CRHBP: variants seen among roughly 807,000 people sequenced by gnomAD.
The protein encoded by CRHBP is corticotropin-releasing hormone-binding protein.
In CRHBP, 19 loss-of-function variants were observed where a neutral mutation model predicts 34.9. That is an observed-to-expected ratio of 0.55 (90% CI 0.38 to 0.80). The LOEUF (loss-of-function observed/expected upper bound fraction) is 0.80, where lower values mean the gene tolerates loss of function less well. CRHBP is among the 30% of genes least tolerant of loss of function. CRHBP has a pLI of 0.00. For missense variants in CRHBP, 328 were observed against 409.2 expected (o/e 0.80, Z 1.71); for synonymous variants, 154 against 153.4 (o/e 1.00, Z -0.03).
At chr5:76,955,561 A>G in intron 3 of CRHBP, 92 bp from the exon 4 acceptor site, 1 of 1,135,976 alleles carries the variant, frequency 8.8e-7, no homozygotes, top group Middle Eastern at 2.6e-4. Flanking sequence ...CTGAAGGCCC[A>G]TTGCTGGATG....
Position 76,978,810 on chromosome 5 carries a change from A to G in CRHBP, n.468-2151A>G, listed in dbSNP as rs78109888. On this transcript the variant is annotated intron_variant and non_coding_transcript_variant, in intron 3 of 3. Transcript: ENST00000514258. ...AATAACAACAAATTTAGAATGGTAC[A>G]TAAACTTAGATGGTACATAAACTTA... Among the ~76,000 whole-genome samples, 1,220 of 152,378 alleles carry G rather than the reference A, an allele frequency of 8.0e-3. 21 individuals are homozygous for G. Among genetic ancestry groups the G allele is most frequent in the African/African-American group, 0.028 (1,167 of 41,590 alleles).
intron 5 of CRHBP, among the ~76,000 whole-genome samples, chr5:76,959,213 C>T (rs773905434): frequency 1.3e-5 from 2 of 151,540 alleles, no homozygotes; most frequent in African/African-American, 2.4e-5. Flanking sequence ...CAAAAATTCT[C>T]TCCTAGCAGA....
intron 1 of CRHBP, 185 bp downstream of exon 1, chr5:76,953,400 G>A (rs971986294): frequency 8.5e-6 from 7 of 827,078 alleles, no homozygotes; most frequent in Non-Finnish European, 1.4e-5. Flanking sequence ...CAGACTGCCT[G>A]CCTGCCTTCC....
rs183667263 is a variant in CRHBP, at chr5:76,977,371, C to G, written n.467+851C>G. Among the ~76,000 whole-genome samples the G allele has an allele frequency of 3.9e-5, 6 of 152,308 alleles. No homozygotes were observed. In the East Asian group the frequency reaches 1.2e-3, roughly 29 times the overall value. The stretch of plus-strand genomic sequence containing the variant: ...AGGTTTGTGGCAACTTTGGGTCGAG[C>G]AAGTCTATTGGTGCCATTTTTCCAA... On this transcript the variant is annotated intron_variant and non_coding_transcript_variant, in intron 3 of 3. Transcript: ENST00000514258.
intron 5 of CRHBP, among the ~76,000 whole-genome samples, chr5:76,961,683 T>C (rs1745777222): frequency 6.6e-6 from 1 of 152,218 alleles, no homozygotes; most frequent in Admixed American, 6.5e-5. Flanking sequence ...GTTGCCATTA[T>C]GTTATTTTCC....
At chr5:76,978,161 A>T (rs2150712444) in intron 3 of CRHBP, among the ~76,000 whole-genome samples, 1 of 152,332 alleles carries the variant, frequency 6.6e-6, no homozygotes, top group African/African-American at 2.4e-5. Flanking sequence ...AAGGTGCAAG[A>T]TGAAGCAGCA....
intron 5 of CRHBP, among the ~76,000 whole-genome samples, chr5:76,959,730 C>CT (rs1237114686): frequency 2.0e-5 from 3 of 152,118 alleles, no homozygotes; most frequent in Non-Finnish European, 2.9e-5. Flanking sequence ...CTAGTGCCTG[C>CT]TTTTTTTAAG....
intron 3 of CRHBP, among the ~76,000 whole-genome samples, chr5:76,976,927 A>G (rs768083768): frequency 5.3e-5 from 8 of 152,174 alleles, no homozygotes; most frequent in Admixed American, 2.6e-4. Flanking sequence ...AGGGTGGTCC[A>G]TTGGCAAAGC....
At chr5:76,963,946 A>G (rs1206506912) in intron 6 of CRHBP, among the ~76,000 whole-genome samples, 1 of 152,246 alleles carries the variant, frequency 6.6e-6, no homozygotes, top group Non-Finnish European at 1.5e-5. Context: ...TGCTAAGTCT[A>G]TAACTTCTTA....
chr5:76,955,925 C>A, intron 4 of CRHBP, 62 bp downstream of exon 4: 1 of 1,439,484 alleles, frequency 6.9e-7, no homozygotes, highest in African/African-American at 1.4e-5. Context: ...AAAGTAGTAT[C>A]ATTGCACAGA....
chr5:76,953,416 C>A, intron 1 of CRHBP, 185 bp from the exon 2 acceptor site: 1 of 849,922 alleles, frequency 1.2e-6, no homozygotes, highest in Non-Finnish European at 1.9e-6. Flanking sequence ...CTTCCTCTGG[C>A]CGCTGGGGAT....
chr5:76,969,128 A>G lies in CRHBP; in HGVS notation c.*243A>G, dbSNP rs1377961465. On this transcript the variant is annotated 3_prime_UTR_variant, in exon 7 of 7. Transcript: ENST00000274368. Reference sequence around the variant, plus strand: ...AATAACCCCTGATTGGTAGGATCATAGTTCTAAATGGAAATGTTTGTAATT... The same window carrying G: ...AATAACCCCTGATTGGTAGGATCATGGTTCTAAATGGAAATGTTTGTAATT... 1 of 382,610 alleles carries G rather than the reference A, an allele frequency of 2.6e-6. No individual in the cohort carries two copies. Among genetic ancestry groups the G allele is most frequent in the Non-Finnish European group, 4.6e-6 (1 of 215,876 alleles). The allele number at this position is 382,610 out of a possible 1,614,324, so 23.7% of individuals were successfully genotyped here. A position where few individuals can be genotyped will look rare whatever the true frequency, so the allele number is the denominator to read the frequency against.
chr5:76,954,167 A>G lies in CRHBP; in HGVS notation c.314A>G (p.Gln105Arg), dbSNP rs1431954545. ...IHYDQVSIDCQGGDFLKVFDG... is the reference protein window; with the variant it reads ...IHYDQVSIDCRGGDFLKVFDG... ...TACGACCAGGTCTCCATCGACTGTC[A>G]GGGCGGCGACTTCCTGAAGGTGAGG... Residue 105 changes from glutamine (Q) to arginine (R), a missense_variant, in exon 3 of 7, where the codon CAG (glutamine) becomes CGG (arginine). Transcript: ENST00000274368. 6.2e-7 allele frequency: 1 copy of G among 1,613,268 alleles called. No individual in the cohort carries two copies. Among genetic ancestry groups the G allele is most frequent in the South Asian group, 1.1e-5 (1 of 90,918 alleles).
chr5:76,971,789 C>G (rs1745952216), downstream of CRHBP, among the ~76,000 whole-genome samples: 1 of 152,142 alleles, frequency 6.6e-6, no homozygotes, highest in African/African-American at 2.4e-5. Flanking sequence ...GGACTATCTG[C>G]CCTTCTGCCC....
At chr5:76,968,254 C>T (rs1436503634) in intron 6 of CRHBP, among the ~76,000 whole-genome samples, 7 of 146,676 alleles carry the variant, frequency 4.8e-5, no homozygotes, top group African/African-American at 1.8e-4. Flanking sequence ...ATTCCATCCT[C>T]TAGCCCCCAC....
Position 76,953,655 on chromosome 5 carries a change from CGGGAGCTGGCTG to C in CRHBP, c.143_154del (p.Leu48_Glu51del). 1 of 1,611,132 alleles carries C rather than the reference CGGGAGCTGGCTG, an allele frequency of 6.2e-7. No individual in the cohort carries two copies. The highest frequency in any genetic ancestry group is 8.5e-7 in the Non-Finnish European group (1 of 1,179,032). ...CCTGCTCTTCAGCGCCAACCTGAAG[CGGGAGCTGGCTG>C]GGGAGCAGCCGTACCGCCGCGCTCT... On this transcript the variant is annotated inframe_deletion, in exon 2 of 7. Transcript: ENST00000274368.
downstream of CRHBP, among the ~76,000 whole-genome samples, chr5:76,973,095 T>C (rs563223366): frequency 1.3e-5 from 2 of 152,338 alleles, no homozygotes; most frequent in South Asian, 2.1e-4. Context: ...CATATCCACA[T>C]TGGACTTTGT....
chr5:76,975,885 TAC>T lies in CRHBP; in HGVS notation n.312-475_312-474del, dbSNP rs1406873152. Among the ~76,000 whole-genome samples, 33 of 134,268 alleles carry T rather than the reference TAC, an allele frequency of 2.5e-4. 1 individual carries two copies. In the East Asian group the frequency reaches 5.9e-3, roughly 24 times the overall value. The allele number at this position is 134,268 out of a possible 152,430, so 88.1% of individuals were successfully genotyped here. Reference sequence around the variant, plus strand: ...ATACACACACATATACATGCATATATACACACGTGTATATATGTGTGTATATA... The same window carrying T: ...ATACACACACATATACATGCATATATACACGTGTATATATGTGTGTATATA... On this transcript the variant is annotated intron_variant and non_coding_transcript_variant, in intron 2 of 3. Transcript: ENST00000514258.
chr5:76,966,416 G>A (rs1330102400), intron 6 of CRHBP, among the ~76,000 whole-genome samples: 1 of 152,222 alleles, frequency 6.6e-6, no homozygotes, highest in Non-Finnish European at 1.5e-5. Flanking sequence ...GATAGCCCAT[G>A]CTTGTTCCAC....
Sources: gnomAD v4.1 joint callset for allele counts (sites outside exome capture counted in the v4.1 genomes callset) on GRCh38, gnomAD v4.1.1 for gene constraint, MANE v1.5 for transcripts, NCBI Gene and HGNC (gene_info 2026-07-23, HGNC 2026-07-21) for gene names.